The following XKR4 variants were observed in gnomAD, a reference collection of about 807,000 sequenced individuals.
XKR4 encodes the protein XK related 4, also known as XK-related protein 4.
XKR4 carries 12 observed loss-of-function variants against 53.9 expected under a neutral mutation model. The ratio of observed to expected loss-of-function variants is 0.22; its 90% CI spans 0.14 to 0.36. The LOEUF is 0.36. Among genes scored for constraint, XKR4 ranks in the 10% least tolerant of loss-of-function variants. XKR4 has a pLI of 1.00. For missense variants in XKR4, 799 were observed against 859.5 expected (o/e 0.93, Z 0.88); for synonymous variants, 354 against 362.4 (o/e 0.98, Z 0.26).
chr8:55,137,263 AAG>A (rs1816644361), intron 1 of XKR4, among the ~76,000 whole-genome samples: 1 of 152,106 alleles, frequency 6.6e-6, no homozygotes, highest in Non-Finnish European at 1.5e-5. Flanking sequence ...GGAAAAAAAA[AAG>A]AAAACTTGTG....
chr8:55,277,884 C>CA (rs1818785610), intron 1 of XKR4, among the ~76,000 whole-genome samples: 2 of 152,082 alleles, frequency 1.3e-5, no homozygotes, highest in African/African-American at 4.8e-5. Flanking sequence ...AATATACCTT[C>CA]AAAATGTCAA....
chr8:55,325,092 T>A (rs911253770), intron 1 of XKR4, among the ~76,000 whole-genome samples: 4 of 152,154 alleles, frequency 2.6e-5, no homozygotes, highest in African/African-American at 9.7e-5. Context: ...AAAATTTATG[T>A]GCCACAAAGT....
At chr8:55,146,905 G>T (rs532911120) in intron 1 of XKR4, among the ~76,000 whole-genome samples, 1 of 152,202 alleles carries the variant, frequency 6.6e-6, no homozygotes, top group African/African-American at 2.4e-5. Flanking sequence ...TTCTGCCCAC[G>T]CTGGAGCTCC....
rs1056386751 is a variant in XKR4 at position 55,264,767 on chromosome 8, A to G, written c.807-92911A>G. On this transcript the variant is annotated intron_variant, in intron 1 of 2. Coordinates refer to ENST00000327381, the MANE Select transcript of XKR4 (RefSeq NM_052898.2). The stretch of plus-strand genomic sequence containing the variant: ...AGAATTGCAATGCATCAATATGGTC[A>G]TTATACATCATTCCTCTTAATATGA... Among the ~76,000 whole-genome samples, 6 of 152,256 alleles carry G rather than the reference A, an allele frequency of 3.9e-5. 1 individual carries two copies. Among genetic ancestry groups the G allele is most frequent in the Middle Eastern group, 6.3e-3 (2 of 316 alleles).
At chr8:55,267,717 TATA>T (rs1278295772) in intron 1 of XKR4, among the ~76,000 whole-genome samples, 1 of 152,200 alleles carries the variant, frequency 6.6e-6, no homozygotes, top group African/African-American at 2.4e-5. Context: ...TTATAATGAC[TATA>T]ATAATTTTAC....
At chr8:55,111,903 A>T (rs1480456595) in intron 1 of XKR4, among the ~76,000 whole-genome samples, 2 of 152,152 alleles carry the variant, frequency 1.3e-5, no homozygotes, top group African/African-American at 2.4e-5. Context: ...TGAAAATTGG[A>T]TTTAAAATTG....
intron 2 of XKR4, among the ~76,000 whole-genome samples, chr8:55,421,673 G>A (rs550026103): frequency 6.6e-6 from 1 of 152,300 alleles, no homozygotes; most frequent in South Asian, 2.1e-4. Context: ...TGGGCTACAC[G>A]CCTGGGTTTT....
At chr8:55,195,514 C>T (rs540576257) in intron 1 of XKR4, among the ~76,000 whole-genome samples, 1 of 151,080 alleles carries the variant, frequency 6.6e-6, no homozygotes, top group African/African-American at 2.4e-5. Flanking sequence ...ATAGGAAGTA[C>T]AATGGAAATA....
chr8:55,453,575 C>T (rs1482512604), intron 2 of XKR4: 2 of 387,320 alleles, frequency 5.2e-6, no homozygotes, highest in African/African-American at 2.1e-5. Context: ...CCCTGTGGTC[C>T]TCCTCCCAGC....
At position 55,536,172 on chromosome 8, in the gene XKR4, T is replaced by C. The variant is rs539131457; in HGVS notation, c.*11945T>C. On this transcript the variant is annotated 3_prime_UTR_variant, in exon 3 of 3. Coordinates refer to ENST00000327381, the MANE Select transcript of XKR4 (RefSeq NM_052898.2). Reference sequence around the variant, plus strand: ...AATCTCAATTCTGCCAGTCACCTAGTCTGTGTATCTGTTCCCAAACTGGAA... The same window carrying C: ...AATCTCAATTCTGCCAGTCACCTAGCCTGTGTATCTGTTCCCAAACTGGAA... 6.6e-6 allele frequency: 1 copy of C among 152,330 alleles called. No homozygotes were observed. Among genetic ancestry groups the C allele is most frequent in the East Asian group, 1.9e-4 (1 of 5,186 alleles). 9.4% of individuals were successfully genotyped at this position (152,330 alleles called of 1,614,324 possible). A position where few individuals can be genotyped will look rare whatever the true frequency, so the allele number is the denominator to read the frequency against.
At chr8:55,194,286 A>G (rs1419256198) in intron 1 of XKR4, among the ~76,000 whole-genome samples, 1 of 152,112 alleles carries the variant, frequency 6.6e-6, no homozygotes, top group East Asian at 1.9e-4. Context: ...TATTTTTGTC[A>G]GCTCCCATGA....
chr8:55,243,070 G>C (rs1438933847), intron 1 of XKR4, among the ~76,000 whole-genome samples: 4 of 151,932 alleles, frequency 2.6e-5, no homozygotes, highest in Non-Finnish European at 5.9e-5. Context: ...CAAAATTGAA[G>C]AGCAAGTACA....
At chr8:55,265,788 G>A (rs1818590995) in intron 1 of XKR4, among the ~76,000 whole-genome samples, 1 of 151,714 alleles carries the variant, frequency 6.6e-6, no homozygotes, top group South Asian at 2.1e-4. Context: ...AGACCATCCT[G>A]GTCAACATGG....
chr8:55,302,003 G>C (rs1390304143), intron 1 of XKR4, among the ~76,000 whole-genome samples: 3 of 152,168 alleles, frequency 2.0e-5, no homozygotes, highest in Non-Finnish European at 2.9e-5. Flanking sequence ...AGTTTAATTA[G>C]ATCCCATTTG....
rs1803634196 is a variant in XKR4 at position 55,346,065 on chromosome 8, T to A, written c.807-11613T>A. On this transcript the variant is annotated intron_variant, in intron 1 of 2. Coordinates refer to ENST00000327381, the MANE Select transcript of XKR4 (RefSeq NM_052898.2). The stretch of plus-strand genomic sequence containing the variant: ...GAATCGTTGTTTAGTGAGTATAGAA[T>A]TTACATTTTCTTTTTCTTTTTTTTT... Among the ~76,000 whole-genome samples, 3 of 151,474 alleles carry A rather than the reference T, an allele frequency of 2.0e-5. No individual in the cohort carries two copies. The South Asian group carries it at 6.3e-4, about 32-fold the overall frequency.
chr8:55,278,236 C>G (rs1490691300), intron 1 of XKR4, among the ~76,000 whole-genome samples: 7 of 151,452 alleles, frequency 4.6e-5, no homozygotes, highest in African/African-American at 1.7e-4. Context: ...TCTCGGGAAG[C>G]TGGGGCACAA....
intron 2 of XKR4, among the ~76,000 whole-genome samples, chr8:55,387,724 G>A (rs1206775437): frequency 6.6e-6 from 1 of 152,188 alleles, no homozygotes; most frequent in Non-Finnish European, 1.5e-5. Flanking sequence ...GGTGGGAGAG[G>A]GGAACCACAT....
At chr8:55,350,397 A>G (rs1251827981) in intron 1 of XKR4, among the ~76,000 whole-genome samples, 1 of 152,182 alleles carries the variant, frequency 6.6e-6, no homozygotes. Context: ...AGCTGGACCC[A>G]TCAAGGAGTT....
At chr8:55,401,740 GATC>G (rs1462472912) in intron 2 of XKR4, among the ~76,000 whole-genome samples, 1 of 152,176 alleles carries the variant, frequency 6.6e-6, no homozygotes, top group Non-Finnish European at 1.5e-5. Context: ...TTGTGATCAG[GATC>G]CTCTTTTCAC....
Sources: allele counts gnomAD v4.1 joint callset (sites outside exome capture counted in the v4.1 genomes callset), GRCh38; gene constraint gnomAD v4.1.1; transcripts MANE v1.5; gene names NCBI Gene and HGNC (gene_info 2026-07-23, HGNC 2026-07-21).